ADAMTSL1: variants seen among roughly 807,000 people sequenced by gnomAD.
The protein encoded by ADAMTSL1 is ADAMTS-like protein 1.
ADAMTSL1 carries 126 observed loss-of-function variants against 201.8 expected under a neutral mutation model. That is an observed-to-expected ratio of 0.62 (90% CI 0.54 to 0.72). The LOEUF (loss-of-function observed/expected upper bound fraction) is 0.72, where lower values mean the gene tolerates loss of function less well. Among genes scored for constraint, ADAMTSL1 ranks in the 30% least tolerant of loss-of-function variants. The pLI is 0.00. For synonymous variants in ADAMTSL1, 1,121 were observed against 903.4 expected, an observed-to-expected ratio of 1.24 and a Z score of -4.32; for missense variants, 2,679 against 2,277.8, an observed-to-expected ratio of 1.18 and a Z score of -3.59.
At chr9:18,458,099 T>C (rs1820675421) in intron 2 of ADAMTSL1, among the ~76,000 whole-genome samples, 1 of 152,224 alleles carries the variant, frequency 6.6e-6, no homozygotes, top group African/African-American at 2.4e-5. Flanking sequence ...CTCCTTTTTT[T>C]GCAATTGCAT....
chr9:18,771,453 C>T (rs565254657), intron 17 of ADAMTSL1, among the ~76,000 whole-genome samples: 31 of 152,302 alleles, frequency 2.0e-4, no homozygotes, highest in African/African-American at 3.8e-4. Flanking sequence ...TTCTAGCGTA[C>T]GCCAATTCAT....
chr9:18,719,386 C>T (rs957343768), intron 14 of ADAMTSL1, among the ~76,000 whole-genome samples: 6 of 152,104 alleles, frequency 3.9e-5, no homozygotes, highest in Admixed American at 6.6e-5. Flanking sequence ...TTGCTTTTCT[C>T]ACCCAGGCTG....
intron 1 of ADAMTSL1, among the ~76,000 whole-genome samples, chr9:18,018,646 C>T (rs1820356599): frequency 6.6e-6 from 1 of 152,008 alleles, no homozygotes; most frequent in African/African-American, 2.4e-5. Context: ...ATGCAAACCC[C>T]ATCAATTAAA....
At chr9:17,999,030 C>T (rs1452461087) in intron 1 of ADAMTSL1, among the ~76,000 whole-genome samples, 1 of 151,968 alleles carries the variant, frequency 6.6e-6, no homozygotes, top group Non-Finnish European at 1.5e-5. Flanking sequence ...TTGGGGAAAA[C>T]ATTCTGCCTC....
At chr9:18,270,920 A>G (rs1011725306) in intron 2 of ADAMTSL1, among the ~76,000 whole-genome samples, 3 of 152,202 alleles carry the variant, frequency 2.0e-5, no homozygotes, top group Non-Finnish European at 4.4e-5. Context: ...TTCTGAAGAA[A>G]GAAGACTCTA....
At chr9:18,671,563 G>C (rs189413573) in intron 9 of ADAMTSL1, among the ~76,000 whole-genome samples, 15 of 152,244 alleles carry the variant, frequency 9.9e-5, no homozygotes, top group Admixed American at 9.8e-4. Context: ...GTGATAACAG[G>C]AGAAGAAGCA....
chr9:18,659,155 A>G (rs1198665740), intron 8 of ADAMTSL1, among the ~76,000 whole-genome samples: 1 of 152,248 alleles, frequency 6.6e-6, no homozygotes, highest in African/African-American at 2.4e-5. Context: ...TAGCTAATCC[A>G]CAGAAGTATC....
intron 15 of ADAMTSL1, among the ~76,000 whole-genome samples, chr9:18,725,097 G>A (rs1297198241): frequency 1.3e-5 from 2 of 152,032 alleles, no homozygotes; most frequent in African/African-American, 2.4e-5. Flanking sequence ...TAGTAGGGAC[G>A]GGGTTTCACC....
intron 2 of ADAMTSL1, among the ~76,000 whole-genome samples, chr9:18,338,189 T>A (rs1187240970): frequency 6.6e-6 from 1 of 152,090 alleles, no homozygotes; most frequent in Non-Finnish European, 1.5e-5. Flanking sequence ...GTTTTTTAAA[T>A]GATGTCTTCA....
At chr9:17,938,170 T>C (rs116871966) in intron 1 of ADAMTSL1, among the ~76,000 whole-genome samples, 5,392 of 152,236 alleles carry the variant, frequency 0.035, 120 homozygotes, top group Non-Finnish European at 0.056. Flanking sequence ...TGCACTCGTC[T>C]CTAATTTACA....
intron 2 of ADAMTSL1, among the ~76,000 whole-genome samples, chr9:18,243,361 G>T (rs1003563641): frequency 4.6e-5 from 7 of 151,996 alleles, no homozygotes; most frequent in African/African-American, 1.7e-4. Flanking sequence ...TTAACAATCA[G>T]CTCACTCCAT....
At chr9:18,617,398 A>T (rs1179339543) in intron 4 of ADAMTSL1, among the ~76,000 whole-genome samples, 2 of 152,126 alleles carry the variant, frequency 1.3e-5, no homozygotes, top group African/African-American at 4.8e-5. Flanking sequence ...GTGAAGGAAG[A>T]AACCCCTACT....
chr9:18,513,897 CT>C (rs1818193383), intron 2 of ADAMTSL1, among the ~76,000 whole-genome samples: 1 of 152,176 alleles, frequency 6.6e-6, no homozygotes, highest in South Asian at 2.1e-4. Context: ...ATTTCTGTAG[CT>C]TATAAAATGT....
At chr9:18,600,041 G>A (rs886783409) in intron 4 of ADAMTSL1, among the ~76,000 whole-genome samples, 1 of 149,506 alleles carries the variant, frequency 6.7e-6, no homozygotes, top group African/African-American at 2.5e-5. Context: ...GCAGCATTTG[G>A]TCTGTACTCC....
chr9:18,858,656 C>G (rs1474577997), intron 23 of ADAMTSL1, among the ~76,000 whole-genome samples: 1 of 152,226 alleles, frequency 6.6e-6, no homozygotes, highest in Admixed American at 6.5e-5. Context: ...CAGGAAGGAT[C>G]TGCTTGGCCA....
At chr9:17,996,776 C>T (rs1819398722) in intron 1 of ADAMTSL1, among the ~76,000 whole-genome samples, 1 of 152,044 alleles carries the variant, frequency 6.6e-6, no homozygotes, top group Non-Finnish European at 1.5e-5. Flanking sequence ...TCCCTTCTCA[C>T]CACCACCCCC....
In ADAMTSL1 at chr9:18,908,449, C is replaced by A; in HGVS notation, c.5190C>A (p.Cys1730Ter). ...CCCGTCCTCCTTTCCCAGTGGAGTG[C>A]AGAGACACCACCAGGTACTGCGAGA... ...CNITPCENMECRDTTRYCEKV... is the reference protein window; with the variant it reads ...CNITPCENME Residue 1730 changes from cysteine to a stop codon, truncating the protein, a stop_gained, in exon 29 of 29, where the codon TGC (cysteine) becomes TGA (stop). Coordinates refer to ENST00000380548, the MANE Select transcript of ADAMTSL1 (RefSeq NM_001040272.6). LOFTEE classifies it high-confidence loss of function. The A allele has an allele frequency of 6.4e-7, 1 of 1,557,262 alleles. No homozygotes were observed. Among genetic ancestry groups the A allele is most frequent in the Non-Finnish European group, 8.7e-7 (1 of 1,150,260 alleles).
intron 23 of ADAMTSL1, among the ~76,000 whole-genome samples, chr9:18,864,448 C>T (rs1488431245): frequency 3.3e-5 from 5 of 152,146 alleles, no homozygotes; most frequent in African/African-American, 1.2e-4. Flanking sequence ...ACAAATTAAG[C>T]CACTGGCCAA....
At chr9:18,284,888 T>A (rs995528035) in intron 2 of ADAMTSL1, among the ~76,000 whole-genome samples, 6 of 152,220 alleles carry the variant, frequency 3.9e-5, no homozygotes, top group African/African-American at 1.4e-4. Flanking sequence ...ATCATATTAA[T>A]GGCAGTTTAG....
Sources: allele counts gnomAD v4.1 joint callset (sites outside exome capture counted in the v4.1 genomes callset), GRCh38; gene constraint gnomAD v4.1.1; transcripts MANE v1.5; gene names NCBI Gene and HGNC (gene_info 2026-07-23, HGNC 2026-07-21).